The following DACH2 variants were observed in gnomAD, a reference collection of about 807,000 sequenced individuals.
DACH2 encodes dachshund homolog 2.
A neutral mutation model predicts 35.8 loss-of-function variants in DACH2; 17 were observed. The observed-to-expected ratio is 0.48, with a 90% CI of 0.33 to 0.71. The LOEUF (loss-of-function observed/expected upper bound fraction) is 0.71. Ranked by LOEUF, DACH2 falls within the 30% of genes least tolerant of loss-of-function variation. DACH2 has a pLI of 0.02. For synonymous variants in DACH2, 195 were observed against 177.3 expected, an observed-to-expected ratio of 1.10 and a Z score of -0.79; for missense variants, 469 against 472.7, an observed-to-expected ratio of 0.99 and a Z score of 0.07.
At chrX:86,429,685 C>T (rs1180881706) in intron 2 of DACH2, among the ~76,000 whole-genome samples, 1 of 109,836 alleles carries the variant, frequency 9.1e-6, no homozygotes, top group Non-Finnish European at 1.9e-5. Flanking sequence ...CTTAGCCTCC[C>T]GAGTAGCTGG....
At chrX:86,505,475 A>C (rs1430352726) in intron 2 of DACH2, among the ~76,000 whole-genome samples, 1 of 111,427 alleles carries the variant, frequency 9.0e-6, no homozygotes, top group African/African-American at 3.3e-5. Context: ...TCACATTCTT[A>C]CTTTTTGTTT....
intron 7 of DACH2, among the ~76,000 whole-genome samples, chrX:86,751,702 T>TAGGC (rs1315137276): frequency 1.1e-4 from 12 of 110,166 alleles, no homozygotes; most frequent in African/African-American, 4.0e-4. Context: ...TAAAGGCAGG[T>TAGGC]AGGCAGGCAG....
chrX:86,533,536 C>T (rs1344034369), intron 3 of DACH2, among the ~76,000 whole-genome samples: 1 of 111,762 alleles, frequency 8.9e-6, no homozygotes, highest in African/African-American at 3.2e-5. Flanking sequence ...ATGCTCTTCA[C>T]TCTGTTTTGT....
At chrX:86,286,389 C>T (rs1460708154) in intron 1 of DACH2, among the ~76,000 whole-genome samples, 3 of 110,845 alleles carry the variant, frequency 2.7e-5, no homozygotes, top group Non-Finnish European at 3.8e-5. Context: ...CTCAGCCTCC[C>T]AAAGTGCTGG....
intron 2 of DACH2, among the ~76,000 whole-genome samples, chrX:86,387,941 A>G (rs1412210383): frequency 8.9e-6 from 1 of 112,339 alleles, no homozygotes; most frequent in African/African-American, 3.2e-5. Flanking sequence ...AAAGCCCCCA[A>G]ACTTTTGATT....
chrX:86,251,185 TAC>T (rs2033392137), intron 1 of DACH2, among the ~76,000 whole-genome samples: 1 of 110,738 alleles, frequency 9.0e-6, no homozygotes, highest in Admixed American at 9.6e-5. Flanking sequence ...AAAATAGAGA[TAC>T]ATTAAATGAG....
At chrX:86,818,659 T>G (rs2042476427) in intron 11 of DACH2, among the ~76,000 whole-genome samples, 1 of 110,992 alleles carries the variant, frequency 9.0e-6, no homozygotes, top group Admixed American at 9.6e-5. Flanking sequence ...TTCCTATCAT[T>G]GTTTGTGAGA....
At chrX:86,224,411 G>T (rs1241057557) in intron 1 of DACH2, among the ~76,000 whole-genome samples, 3 of 111,498 alleles carry the variant, frequency 2.7e-5, no homozygotes, top group Non-Finnish European at 5.7e-5. Context: ...TGATGCATGT[G>T]CATATTGTCC....
chrX:86,450,913 G>A (rs1281971500), intron 2 of DACH2, among the ~76,000 whole-genome samples: 2 of 110,534 alleles, frequency 1.8e-5, no homozygotes, highest in African/African-American at 3.3e-5. Context: ...TTTTTCATGG[G>A]GTTGTTTTTT....
chrX:86,392,515 GGACATAA>G (rs1196478501), intron 2 of DACH2, among the ~76,000 whole-genome samples: 2 of 111,675 alleles, frequency 1.8e-5, no homozygotes, highest in Admixed American at 1.9e-4. Flanking sequence ...TAATAAGTCA[GGACATAA>G]GATTATCCAA....
At chrX:86,487,023 T>G (rs983362370) in intron 2 of DACH2, among the ~76,000 whole-genome samples, 2 of 111,641 alleles carry the variant, frequency 1.8e-5, no homozygotes, top group Non-Finnish European at 3.8e-5. Context: ...AGGAGCAGTG[T>G]GAGACTAAGT....
chrX:86,746,468 T>C (rs1490732578), intron 7 of DACH2, among the ~76,000 whole-genome samples: 5 of 112,092 alleles, frequency 4.5e-5, no homozygotes, highest in Admixed American at 9.5e-5. Flanking sequence ...ATGTATTATC[T>C]CATTTTGGCT....
intron 6 of DACH2, among the ~76,000 whole-genome samples, chrX:86,716,592 G>A (rs967964835): frequency 9.0e-6 from 1 of 111,600 alleles, no homozygotes; most frequent in African/African-American, 3.3e-5. Flanking sequence ...GCTTTGGAAT[G>A]ATGGAAGAGT....
intron 1 of DACH2, among the ~76,000 whole-genome samples, chrX:86,361,285 T>C (rs964484426): frequency 8.9e-6 from 1 of 111,826 alleles, no homozygotes; most frequent in Admixed American, 9.5e-5. Context: ...GTTTTAAAAA[T>C]ATGATTTATA....
rs1431718297 is a variant in DACH2, at chrX:86,758,080, A to T, written c.1240+18198A>T. 3.6e-5 allele frequency among the ~76,000 whole-genome samples: 4 copies of T among 111,532 alleles called. No homozygotes were observed. The South Asian group carries it at 1.5e-3, about 41-fold the overall frequency. ...TCTTAAGCATCTCTGATAATATTTT[A>T]TATTTCTACATTCTTAATGTTAATA... On this transcript the variant is annotated intron_variant, in intron 7 of 11. Transcript: ENST00000373125.
intron 6 of DACH2, among the ~76,000 whole-genome samples, chrX:86,723,012 G>T (rs2041424825): frequency 9.0e-6 from 1 of 111,521 alleles, no homozygotes; most frequent in African/African-American, 3.3e-5. Flanking sequence ...ACTCATTATT[G>T]TTCTGCTCAG....
At chrX:86,633,470 G>A (rs1447891000) in intron 3 of DACH2, among the ~76,000 whole-genome samples, 1 of 111,178 alleles carries the variant, frequency 9.0e-6, no homozygotes, top group Non-Finnish European at 1.9e-5. Context: ...ACAATCTCGC[G>A]ACACACACAA....
rs1410519418 is a variant in DACH2 at position 86,254,905 on chromosome X, G to T, written c.488+105797G>T. Among the ~76,000 whole-genome samples, 4 of 102,652 alleles carry T rather than the reference G, an allele frequency of 3.9e-5. No individual in the cohort carries two copies. The East Asian group carries it at 9.5e-4, about 24-fold the overall frequency. 89.1% of individuals were successfully genotyped at this position (102,652 alleles called of 115,157 possible). On this transcript the variant is annotated intron_variant, in intron 1 of 11. Transcript: ENST00000373125. Reference sequence around the variant, plus strand: ...TTTGTTTAAAGAAGAACCCATAAAAGAAGTTTTCTGAGATAAAGTTGAAAA... The same window carrying T: ...TTTGTTTAAAGAAGAACCCATAAAATAAGTTTTCTGAGATAAAGTTGAAAA...
chrX:86,322,009 G>A (rs2035024813), intron 1 of DACH2, among the ~76,000 whole-genome samples: 1 of 110,241 alleles, frequency 9.1e-6, no homozygotes, highest in Admixed American at 9.7e-5. Flanking sequence ...GTTGGAAGGG[G>A]CACCAGATGA....
Sources: gnomAD v4.1 joint callset for allele counts (sites outside exome capture counted in the v4.1 genomes callset) on GRCh38, gnomAD v4.1.1 for gene constraint, MANE v1.5 for transcripts, NCBI Gene and HGNC (gene_info 2026-07-23, HGNC 2026-07-21) for gene names.